RPS6KC1: variants seen among roughly 807,000 people sequenced by gnomAD.
RPS6KC1 encodes the protein inactive ribosomal protein S6 kinase delta-1.
Under a neutral mutation model 103.8 loss-of-function variants are expected in RPS6KC1, and 54 were observed. The ratio of observed to expected loss-of-function variants is 0.52; its 90% CI spans 0.42 to 0.65. The LOEUF (loss-of-function observed/expected upper bound fraction) is 0.65, where lower values mean the gene tolerates loss of function less well. RPS6KC1 is among the 30% of genes least tolerant of loss of function. RPS6KC1 has a pLI of 0.00. For missense variants in RPS6KC1, 1,151 were observed against 1,253.8 expected (o/e 0.92, Z 1.24); for synonymous variants, 439 against 438.7 (o/e 1.00, Z -0.01).
the RPS6KC1 span, among the ~76,000 whole-genome samples, chr1:213,589,939 GT>G: frequency 0.18 from 9,500 of 54,224 alleles, 737 homozygotes; most frequent in African/African-American, 0.41. Flanking sequence ...AAAGGTAGTG[GT>G]GTGTGTGTGT....
At chr1:213,409,934 A>G in the RPS6KC1 span, among the ~76,000 whole-genome samples, 1 of 152,226 alleles carries the variant, frequency 6.6e-6, no homozygotes, top group East Asian at 1.9e-4. Context: ...AGGCTGAGGC[A>G]GGAGGATTGC....
At chr1:213,379,274 G>A in the RPS6KC1 span, among the ~76,000 whole-genome samples, 1 of 152,146 alleles carries the variant, frequency 6.6e-6, no homozygotes, top group African/African-American at 2.4e-5. Context: ...TTTGGAAATA[G>A]AGTCATTACA....
Position 213,096,008 on chromosome 1 carries a change from C to A in RPS6KC1, c.263-8446C>A, listed in dbSNP as rs563706400. 3.9e-5 allele frequency among the ~76,000 whole-genome samples: 6 copies of A among 152,304 alleles called. No homozygotes were observed. In the South Asian group the frequency reaches 1.0e-3, roughly 26 times the overall value. On this transcript the variant is annotated intron_variant, in intron 3 of 14. Coordinates refer to ENST00000366960, the MANE Select transcript of RPS6KC1 (RefSeq NM_012424.6). ...ACTCTTCCTTTCACAAAAGATTTCTCTGTAACATGTGATGGTGTTTGATAG... is the reference window on the plus strand; with the variant it reads ...ACTCTTCCTTTCACAAAAGATTTCTATGTAACATGTGATGGTGTTTGATAG...
chr1:213,615,788 G>A, the RPS6KC1 span, among the ~76,000 whole-genome samples: 5 of 152,220 alleles, frequency 3.3e-5, no homozygotes, highest in African/African-American at 9.7e-5. Context: ...CAAGTCCAGG[G>A]GGAGGCATCC....
the RPS6KC1 span, among the ~76,000 whole-genome samples, chr1:213,662,265 ACTTTT>A: frequency 2.6e-5 from 4 of 151,756 alleles, no homozygotes; most frequent in Non-Finnish European, 4.4e-5. Context: ...ACCAGAGTAA[ACTTTT>A]CTTTTCTTTT....
chr1:213,277,597 T>TA (rs2095114683), downstream of RPS6KC1, among the ~76,000 whole-genome samples: 1 of 152,254 alleles, frequency 6.6e-6, no homozygotes, highest in African/African-American at 2.4e-5. Flanking sequence ...AAACTGACGC[T>TA]ATTTCTACTA....
chr1:213,100,381 A>G (rs999028839), intron 3 of RPS6KC1, among the ~76,000 whole-genome samples: 10 of 151,996 alleles, frequency 6.6e-5, no homozygotes, highest in African/African-American at 1.9e-4. Context: ...TTGTTCGTCT[A>G]TTCATGTGTT....
At chr1:213,778,600 G>C in the RPS6KC1 span, among the ~76,000 whole-genome samples, 2 of 151,822 alleles carry the variant, frequency 1.3e-5, no homozygotes, top group African/African-American at 4.8e-5. Context: ...GTTTAGGTGA[G>C]AGGTAAACAC....
At chr1:213,570,713 C>A in the RPS6KC1 span, among the ~76,000 whole-genome samples, 10 of 152,238 alleles carry the variant, frequency 6.6e-5, no homozygotes, top group South Asian at 2.1e-3. Flanking sequence ...ATGTATTGAC[C>A]CAGGTCAAAT....
At chr1:213,153,464 T>G (rs2147973116) in intron 6 of RPS6KC1, among the ~76,000 whole-genome samples, 1 of 152,318 alleles carries the variant, frequency 6.6e-6, no homozygotes, top group East Asian at 1.9e-4. Context: ...AAAGGAAGAA[T>G]AATAAAAACT....
At chr1:213,175,344 T>C (rs2091797108) in intron 7 of RPS6KC1, among the ~76,000 whole-genome samples, 1 of 152,208 alleles carries the variant, frequency 6.6e-6, no homozygotes, top group East Asian at 1.9e-4. Context: ...GGTATCTCAA[T>C]AATTCCCTTA....
At chr1:213,203,111 C>G (rs1418323929) in intron 8 of RPS6KC1, among the ~76,000 whole-genome samples, 1 of 152,154 alleles carries the variant, frequency 6.6e-6, no homozygotes, top group Non-Finnish European at 1.5e-5. Flanking sequence ...ACTAGTAGTA[C>G]AGATTGAGTT....
the RPS6KC1 span, among the ~76,000 whole-genome samples, chr1:213,816,299 C>A: frequency 6.6e-6 from 1 of 152,142 alleles, no homozygotes; most frequent in African/African-American, 2.4e-5. Context: ...TGCAGAGTTG[C>A]CATAAATCTT....
downstream of RPS6KC1, among the ~76,000 whole-genome samples, chr1:213,279,662 C>A (rs1418689950): frequency 1.3e-5 from 2 of 152,158 alleles, no homozygotes; most frequent in African/African-American, 4.8e-5. Flanking sequence ...TTGTACCAGA[C>A]CTCTGACATA....
chr1:213,085,625 C>T (rs2080317441), intron 3 of RPS6KC1, among the ~76,000 whole-genome samples: 1 of 152,132 alleles, frequency 6.6e-6, no homozygotes, highest in South Asian at 2.1e-4. Flanking sequence ...TCCTGTACCT[C>T]TCCACCTTTG....
intron 8 of RPS6KC1, among the ~76,000 whole-genome samples, chr1:213,206,703 G>C (rs1413637885): frequency 1.3e-5 from 2 of 152,188 alleles, no homozygotes. Context: ...TTATATTTCT[G>C]ATTGGTATTG....
the RPS6KC1 span, among the ~76,000 whole-genome samples, chr1:213,653,465 A>C: frequency 6.6e-6 from 1 of 152,124 alleles, no homozygotes; most frequent in African/African-American, 2.4e-5. Flanking sequence ...GTCTCAAAAA[A>C]AAAAAATTAC....
At chr1:213,263,679 A>T (rs767388367) in intron 14 of RPS6KC1, among the ~76,000 whole-genome samples, 2 of 152,242 alleles carry the variant, frequency 1.3e-5, no homozygotes, top group Non-Finnish European at 2.9e-5. Context: ...ATAATTGACT[A>T]GTATTCTCTT....
At chr1:213,439,163 A>G in the RPS6KC1 span, among the ~76,000 whole-genome samples, 1 of 152,160 alleles carries the variant, frequency 6.6e-6, no homozygotes, top group Non-Finnish European at 1.5e-5. Flanking sequence ...TCCCAACACC[A>G]TGGGGTTTCC....
Sources: allele counts gnomAD v4.1 joint callset (sites outside exome capture counted in the v4.1 genomes callset), GRCh38; gene constraint gnomAD v4.1.1; transcripts MANE v1.5; gene names NCBI Gene and HGNC (gene_info 2026-07-23, HGNC 2026-07-21).